The following LRRN1 variants were observed in gnomAD, a reference collection of about 807,000 sequenced individuals.
LRRN1 encodes leucine rich repeat neuronal 1.
In LRRN1, 14 loss-of-function variants were observed where a neutral mutation model predicts 45.8. The observed-to-expected ratio is 0.31, with a 90% CI of 0.20 to 0.48. The LOEUF (loss-of-function observed/expected upper bound fraction) is 0.48, where lower values mean the gene tolerates loss of function less well. Among genes scored for constraint, LRRN1 ranks in the 20% least tolerant of loss-of-function variants. The probability of loss-of-function intolerance (pLI) is 0.99; values close to 1 mark genes in which losing one functional copy is unlikely to be tolerated. For missense variants in LRRN1, 789 were observed against 874.2 expected (o/e 0.90, Z 1.23); for synonymous variants, 359 against 330.1 (o/e 1.09, Z -0.95).
intron 1 of LRRN1, among the ~76,000 whole-genome samples, chr3:3,838,739 T>C (rs1397101513): frequency 6.6e-6 from 1 of 152,166 alleles, no homozygotes; most frequent in Non-Finnish European, 1.5e-5. Flanking sequence ...AGGTGATATT[T>C]CATTGTGCTT....
At chr3:3,819,447 G>C (rs1008569527) in intron 1 of LRRN1, among the ~76,000 whole-genome samples, 5 of 152,202 alleles carry the variant, frequency 3.3e-5, no homozygotes, top group African/African-American at 1.2e-4. Context: ...ACAGGGCCAT[G>C]CTCCCTCTGA....
intron 1 of LRRN1, among the ~76,000 whole-genome samples, chr3:3,829,437 G>A (rs1425116261): frequency 6.6e-6 from 1 of 152,138 alleles, no homozygotes; most frequent in African/African-American, 2.4e-5. Context: ...AGGGGTGATG[G>A]TGAGTGGCGC....
At chr3:3,801,382 A>C (rs1011490485) in intron 1 of LRRN1, 1 of 152,250 alleles carries the variant, frequency 6.6e-6, no homozygotes, top group South Asian at 2.1e-4. Context: ...TTGTCTTGCC[A>C]TGACAATCTA....
Position 3,844,781 on chromosome 3 carries a change from A to C in LRRN1, c.140A>C (p.Gln47Pro). The change falls in exon 2 of 2, where the codon CAG becomes CCG. Residue 47 changes from glutamine to proline, a missense_variant. Transcript: ENST00000319331. ...VCEIRPWFTPQSTYREATTVD... is the reference protein window; with the variant it reads ...VCEIRPWFTPPSTYREATTVD... ...GAAATTCGTCCCTGGTTTACCCCAC[A>C]GTCAACTTACAGAGAAGCCACCACT... 1 of 1,614,200 alleles carries C rather than the reference A, an allele frequency of 6.2e-7. No homozygotes were observed. The highest frequency in any genetic ancestry group is 1.3e-5 in the African/African-American group (1 of 75,054).
Position 3,846,766 on chromosome 3 carries a change from A to G in LRRN1, c.2125A>G (p.Thr709Ala). ...SADTKPTQVD[T>A]SRSYYMW The stretch of plus-strand genomic sequence containing the variant: ...AGACACCAAGCCAACCCAGGTCGAC[A>G]CATCCAGAAGCTATTACATGTGGTA... Residue 709 changes from threonine to alanine, a missense_variant, in exon 2 of 2, where the codon ACA becomes GCA. Transcript: ENST00000319331. This position sits in a 1 kb window ranked among gnomAD's most constrained non-coding sequence, Gnocchi z 5.7. 1 of 1,612,120 alleles carries G rather than the reference A, an allele frequency of 6.2e-7. No individual in the cohort carries two copies. Among genetic ancestry groups the G allele is most frequent in the Non-Finnish European group, 8.5e-7 (1 of 1,179,520 alleles).
At chr3:3,811,093 A>G (rs887330076) in intron 1 of LRRN1, among the ~76,000 whole-genome samples, 1 of 152,132 alleles carries the variant, frequency 6.6e-6, no homozygotes, top group African/African-American at 2.4e-5. Context: ...AGGCCAATAA[A>G]TAGAGTTTTC....
At chr3:3,827,001 G>A (rs1025026451) in intron 1 of LRRN1, among the ~76,000 whole-genome samples, 1 of 151,932 alleles carries the variant, frequency 6.6e-6, no homozygotes, top group Non-Finnish European at 1.5e-5. Flanking sequence ...TGATTTCAAC[G>A]ATCTATGCCT....
rs60477471 is a variant in LRRN1 at position 3,841,290 on chromosome 3, CAAA to C, written c.-278-3058_-278-3056del. Among the ~76,000 whole-genome samples the C allele has an allele frequency of 5.2e-3, 643 of 123,204 alleles. 5 individuals are homozygous for C. Among genetic ancestry groups the C allele is most frequent in the African/African-American group, 0.019 (616 of 31,802 alleles). The allele number at this position is 123,204 out of a possible 152,430, so 80.8% of individuals were successfully genotyped here. On this transcript the variant is annotated intron_variant, in intron 1 of 1. Coordinates refer to ENST00000319331, the MANE Select transcript of LRRN1 (RefSeq NM_020873.7). ...TGGGCGACAGAGCGAGACTTTGTCT[CAAA>C]AAAAAAAAAAAAAAATTAGTTGAAA...
rs555578196 is a variant in LRRN1 at position 3,833,856 on chromosome 3, A to C, written c.-278-10508A>C. Among the ~76,000 whole-genome samples the C allele has an allele frequency of 5.7e-3, 864 of 152,258 alleles. 10 individuals are homozygous for C. Among genetic ancestry groups the C allele is most frequent in the African/African-American group, 0.02 (812 of 41,564 alleles). ...AAGGTGCATCAGAGTTTACAAACGT[A>C]GTGTCCTCAGCTTCATCAGGGTGCT... On this transcript the variant is annotated intron_variant, in intron 1 of 1. Transcript: ENST00000319331.
intron 1 of LRRN1, among the ~76,000 whole-genome samples, chr3:3,829,711 C>T (rs6764796): frequency 2.0e-5 from 3 of 152,166 alleles, no homozygotes; most frequent in East Asian, 1.9e-4. Flanking sequence ...CTTCTTTAGC[C>T]GTAAAGTGAG....
intron 1 of LRRN1, among the ~76,000 whole-genome samples, chr3:3,811,601 C>T (rs1692872721): frequency 6.6e-6 from 1 of 152,164 alleles, no homozygotes; most frequent in African/African-American, 2.4e-5. Context: ...GTATTATACT[C>T]AGAGATATTA....
Position 3,800,511 on chromosome 3 carries a change from G to C in LRRN1, c.-279+592G>C, listed in dbSNP as rs1315290505. ...GTATTGAAGTCAGAGCCTTGGGAAG[G>C]ATCTACCGAACTCTCGGCGGTCCAC... is the stretch of plus-strand genomic sequence containing the variant. On this transcript the variant is annotated intron_variant, in intron 1 of 1. Coordinates refer to ENST00000319331, the MANE Select transcript of LRRN1 (RefSeq NM_020873.7). Among the ~76,000 whole-genome samples the C allele has an allele frequency of 9.2e-5, 14 of 151,732 alleles. No individual in the cohort carries two copies. The South Asian group carries it at 2.9e-3, about 31-fold the overall frequency.
At position 3,849,210 on chromosome 3, in the gene LRRN1, G is replaced by T. The variant is rs187072245; in HGVS notation, c.*2418G>T. 3.8e-4 allele frequency among the ~76,000 whole-genome samples: 58 copies of T among 152,218 alleles called. No individual in the cohort carries two copies. Among genetic ancestry groups the T allele is most frequent in the African/African-American group, 1.3e-3 (55 of 41,534 alleles). On this transcript the variant is annotated 3_prime_UTR_variant, in exon 2 of 2. Transcript: ENST00000319331. ...TTACACAGAATGAGCACTTAAATAC[G>T]GGTGCAATAAATGAAGGGAAAAACC...
chr3:3,800,336 G>A (rs950331912), intron 1 of LRRN1, among the ~76,000 whole-genome samples: 1 of 152,086 alleles, frequency 6.6e-6, no homozygotes, highest in African/African-American at 2.4e-5. Flanking sequence ...CTGGAGAGCA[G>A]CGCGGAAAGG....
intron 1 of LRRN1, chr3:3,822,866 C>T (rs1411741863): frequency 6.6e-6 from 1 of 152,120 alleles, no homozygotes; most frequent in African/African-American, 2.4e-5. Flanking sequence ...CCCATTCTTT[C>T]ATCGGGGGGA....
At position 3,849,769 on chromosome 3, in the gene LRRN1, T is replaced by C. The variant is rs1693859140; in HGVS notation, c.*2977T>C. On this transcript the variant is annotated 3_prime_UTR_variant, in exon 2 of 2. Coordinates refer to ENST00000319331, the MANE Select transcript of LRRN1 (RefSeq NM_020873.7). ...TGTAATGTTTGATTGTCAGTGTTTC[T>C]GATTTGGCAAAAAGGAATCATCTCT... Among the ~76,000 whole-genome samples, 1 of 152,184 alleles carries C rather than the reference T, an allele frequency of 6.6e-6. No homozygotes were observed. The highest frequency in any genetic ancestry group is 1.5e-5 in the Non-Finnish European group (1 of 68,020).
At chr3:3,840,046 C>T (rs1297959414) in intron 1 of LRRN1, among the ~76,000 whole-genome samples, 2 of 152,060 alleles carry the variant, frequency 1.3e-5, no homozygotes, top group South Asian at 2.1e-4. Flanking sequence ...GCATCCTTTC[C>T]TTGTTCCCAT....
At chr3:3,824,050 C>G (rs1464730095) in intron 1 of LRRN1, among the ~76,000 whole-genome samples, 2 of 152,170 alleles carry the variant, frequency 1.3e-5, no homozygotes, top group African/African-American at 4.8e-5. Flanking sequence ...CTGTACCGTG[C>G]TGCTTCTCAA....
At position 3,849,783 on chromosome 3, in the gene LRRN1, G is replaced by T. The variant is rs191166990; in HGVS notation, c.*2991G>T. ...GTCAGTGTTTCTGATTTGGCAAAAAGGAATCATCTCTATTTTTTTGCAAAC... is the reference window on the plus strand; with the variant it reads ...GTCAGTGTTTCTGATTTGGCAAAAATGAATCATCTCTATTTTTTTGCAAAC... On this transcript the variant is annotated 3_prime_UTR_variant, in exon 2 of 2. Transcript: ENST00000319331. Among the ~76,000 whole-genome samples, 1 of 152,236 alleles carries T rather than the reference G, an allele frequency of 6.6e-6. No individual in the cohort carries two copies. The highest frequency in any genetic ancestry group is 1.9e-4 in the East Asian group (1 of 5,184).
Sources: allele counts gnomAD v4.1 joint callset (sites outside exome capture counted in the v4.1 genomes callset), GRCh38; gene constraint gnomAD v4.1.1; non-coding constraint Gnocchi (gnomAD v3.1); transcripts MANE v1.5; gene names NCBI Gene and HGNC (gene_info 2026-07-23, HGNC 2026-07-21).